The following MAP3K13 variants were observed in gnomAD, a reference collection of about 807,000 sequenced individuals.
MAP3K13 encodes the protein leucine zipper-bearing kinase.
MAP3K13 carries 52 observed loss-of-function variants against 104.0 expected under a neutral mutation model. That is an observed-to-expected ratio of 0.50 (90% confidence interval 0.40 to 0.63). The LOEUF (loss-of-function observed/expected upper bound fraction) is 0.63. MAP3K13 is among the 20% of genes least tolerant of loss of function. MAP3K13 has a pLI of 0.00. For synonymous variants in MAP3K13, 394 were observed against 442.2 expected (o/e 0.89, Z 1.37); for missense variants, 914 against 1,218.5 (o/e 0.75, Z 3.72).
At chr3:185,283,898 C>CTTTTTTTTTTTTT (rs1201384582) in intron 1 of MAP3K13, among the ~76,000 whole-genome samples, 24 of 127,406 alleles carry the variant, frequency 1.9e-4, no homozygotes, top group African/African-American at 3.3e-4. Flanking sequence ...TTCTTTCTTT[C>CTTTTTTTTTTTTT]TTTTTTTTTT....
At chr3:185,289,690 A>C (rs1377709727) in intron 2 of MAP3K13, among the ~76,000 whole-genome samples, 1 of 152,210 alleles carries the variant, frequency 6.6e-6, no homozygotes, top group Non-Finnish European at 1.5e-5. Context: ...AGACCAGCTA[A>C]TTTAAAATTG....
intron 7 of MAP3K13, among the ~76,000 whole-genome samples, chr3:185,458,069 TA>T (rs1716870040): frequency 6.6e-6 from 1 of 152,186 alleles, no homozygotes; most frequent in Non-Finnish European, 1.5e-5. Flanking sequence ...CAGTTGATTG[TA>T]AGATGTCATT....
chr3:185,345,263 G>A lies in MAP3K13; in HGVS notation c.-86+59620G>A, dbSNP rs371583276. Reference sequence around the variant, plus strand: ...CATACACACACACACACACGTAAACGCATACACCTTCTTCCGGTTAAGGCT... The same window carrying A: ...CATACACACACACACACACGTAAACACATACACCTTCTTCCGGTTAAGGCT... On this transcript the variant is annotated intron_variant, in intron 2 of 14. Coordinates refer to the MAP3K13 transcript ENST00000424227. Among the ~76,000 whole-genome samples, 317 of 151,786 alleles carry A rather than the reference G, an allele frequency of 2.1e-3. 1 individual carries two copies. The highest frequency in any genetic ancestry group is 7.3e-3 in the African/African-American group (301 of 41,356).
intron 1 of MAP3K13, among the ~76,000 whole-genome samples, chr3:185,393,746 C>T (rs985893137): frequency 6.6e-6 from 1 of 152,040 alleles, no homozygotes; most frequent in East Asian, 1.9e-4. Flanking sequence ...TGTGAGCCAC[C>T]GCGCCCAGCC....
At chr3:185,477,211 C>G in intron 11 of MAP3K13, 115 bp from the exon 12 acceptor site, 1 of 739,002 alleles carries the variant, frequency 1.4e-6, no homozygotes. Flanking sequence ...CAGCAAGCTA[C>G]TACTAAATGA....
intron 1 of MAP3K13, among the ~76,000 whole-genome samples, chr3:185,388,657 T>C (rs546685026): frequency 6.6e-6 from 1 of 152,236 alleles, no homozygotes; most frequent in South Asian, 2.1e-4. Context: ...ATACCAATGA[T>C]GTTCTTCACA....
chr3:185,379,463 T>A (rs1224452204), intron 1 of MAP3K13, among the ~76,000 whole-genome samples: 1 of 152,118 alleles, frequency 6.6e-6, no homozygotes, highest in African/African-American at 2.4e-5. Context: ...ACTTACCCAA[T>A]TTAAAATCAG....
intron 2 of MAP3K13, among the ~76,000 whole-genome samples, chr3:185,317,090 T>C (rs998051983): frequency 1.3e-5 from 2 of 152,234 alleles, no homozygotes; most frequent in Non-Finnish European, 2.9e-5. Flanking sequence ...TTCACTCTTG[T>C]GTGCCCTTCA....
chr3:185,461,105 T>C (rs1055763073), intron 7 of MAP3K13, among the ~76,000 whole-genome samples: 1 of 152,232 alleles, frequency 6.6e-6, no homozygotes, highest in Non-Finnish European at 1.5e-5. Flanking sequence ...TTTGATCTGA[T>C]GATTGAGAGA....
intron 1 of MAP3K13, among the ~76,000 whole-genome samples, chr3:185,385,750 C>T (rs189045184): frequency 2.0e-5 from 3 of 149,844 alleles, no homozygotes; most frequent in African/African-American, 7.3e-5. Context: ...CGCCTATAGT[C>T]CCAGCACTTT....
intron 1 of MAP3K13, among the ~76,000 whole-genome samples, chr3:185,378,015 G>T (rs984588083): frequency 6.6e-6 from 1 of 152,196 alleles, no homozygotes; most frequent in Admixed American, 6.5e-5. Context: ...GTGGGGGGAG[G>T]TTCTGGAGGA....
intron 10 of MAP3K13, among the ~76,000 whole-genome samples, chr3:185,472,589 G>A (rs939277017): frequency 1.3e-5 from 2 of 152,104 alleles, no homozygotes; most frequent in East Asian, 1.9e-4. Flanking sequence ...TTCATAAAGC[G>A]TCAATGTTTT....
chr3:185,346,759 T>C (rs1362863417), intron 2 of MAP3K13, among the ~76,000 whole-genome samples: 2 of 152,120 alleles, frequency 1.3e-5, no homozygotes, highest in African/African-American at 2.4e-5. Flanking sequence ...ATGCAGCAAT[T>C]ATTTAGCCAT....
At chr3:185,303,879 A>AT (rs950438907) in intron 2 of MAP3K13, among the ~76,000 whole-genome samples, 11 of 149,350 alleles carry the variant, frequency 7.4e-5, no homozygotes, top group East Asian at 2.0e-4. Flanking sequence ...TTAGTTTATA[A>AT]TTTTTTTTTG....
chr3:185,309,562 A>G (rs1577412007), intron 2 of MAP3K13, among the ~76,000 whole-genome samples: 1 of 152,224 alleles, frequency 6.6e-6, no homozygotes, highest in African/African-American at 2.4e-5. Context: ...GATTGGGGCA[A>G]GTCAGCAGAC....
intron 7 of MAP3K13, among the ~76,000 whole-genome samples, chr3:185,459,645 T>C (rs1054757042): frequency 2.0e-5 from 3 of 152,074 alleles, no homozygotes; most frequent in Non-Finnish European, 4.4e-5. Flanking sequence ...AGATGGGGTT[T>C]CACCATGTTG....
At chr3:185,396,541 C>T (rs890311007) in intron 1 of MAP3K13, among the ~76,000 whole-genome samples, 1 of 152,156 alleles carries the variant, frequency 6.6e-6, no homozygotes, top group Non-Finnish European at 1.5e-5. Flanking sequence ...TATACCTGCT[C>T]TGTCCACCCT....
At chr3:185,453,608 A>G (rs1325836528) in intron 7 of MAP3K13, among the ~76,000 whole-genome samples, 2 of 151,568 alleles carry the variant, frequency 1.3e-5, no homozygotes, top group African/African-American at 2.4e-5. Flanking sequence ...GTCTCTACTA[A>G]AAATACAAAA....
chr3:185,349,477 T>C (rs1227896485), intron 2 of MAP3K13, among the ~76,000 whole-genome samples: 1 of 152,144 alleles, frequency 6.6e-6, no homozygotes, highest in Non-Finnish European at 1.5e-5. Flanking sequence ...TGGAATTCCA[T>C]GGTGTATATG....
Sources: allele counts gnomAD v4.1 joint callset (sites outside exome capture counted in the v4.1 genomes callset), GRCh38; gene constraint gnomAD v4.1.1; transcripts MANE v1.5; gene names NCBI Gene and HGNC (gene_info 2026-07-23, HGNC 2026-07-21).